Variants in GALNT17 observed in about 807,000 individuals in gnomAD.
GALNT17 encodes polypeptide N-acetylgalactosaminyltransferase 17, also known as UDP-GalNAc:polypeptide N-acetylgalactosaminyltransferase-like 3.
Under a neutral mutation model 63.7 loss-of-function variants are expected in GALNT17, and 29 were observed. The ratio of observed to expected loss-of-function variants is 0.46; its 90% CI spans 0.34 to 0.62. The LOEUF is 0.62. Ranked by LOEUF, GALNT17 falls within the 20% of genes least tolerant of loss-of-function variation. GALNT17 has a pLI of 0.01. For missense variants in GALNT17, 603 were observed against 799.6 expected, an observed-to-expected ratio of 0.75 and a Z score of 2.97; for synonymous variants, 305 against 318.3, an observed-to-expected ratio of 0.96 and a Z score of 0.45.
intron 1 of GALNT17, among the ~76,000 whole-genome samples, chr7:71,238,394 CTG>C (rs942235297): frequency 6.6e-6 from 1 of 152,192 alleles, no homozygotes; most frequent in Admixed American, 6.5e-5. Context: ...TGGTCTCACT[CTG>C]TCTCCCAGGC....
At chr7:71,187,282 CTTTCTT>C (rs1788868079) in intron 1 of GALNT17, among the ~76,000 whole-genome samples, 1 of 141,072 alleles carries the variant, frequency 7.1e-6, no homozygotes, top group Non-Finnish European at 1.5e-5. Context: ...GCTAATTTTT[CTTTCTT>C]TTTTTTTTTT....
At chr7:71,236,738 G>T (rs997958673) in intron 1 of GALNT17, among the ~76,000 whole-genome samples, 1 of 152,162 alleles carries the variant, frequency 6.6e-6, no homozygotes, top group Admixed American at 6.5e-5. Context: ...CTCGGCGGGG[G>T]CACCTGCCCT....
At position 71,316,625 on chromosome 7, in the gene GALNT17, G is replaced by A. The variant is rs557799935; in HGVS notation, c.239-18925G>A. Among the ~76,000 whole-genome samples the A allele has an allele frequency of 3.9e-5, 6 of 152,254 alleles. No homozygotes were observed. In the East Asian group the frequency reaches 1.2e-3, roughly 30 times the overall value. The stretch of plus-strand genomic sequence containing the variant: ...GCAGCTCCAGCTGACCTGCTGGAGG[G>A]AGGAAAGGCTGATGGTACCACCCAT... On this transcript the variant is annotated intron_variant, in intron 1 of 10. Coordinates refer to ENST00000333538, the MANE Select transcript of GALNT17 (RefSeq NM_022479.3).
At chr7:71,278,914 TTTC>T (rs533274811) in intron 1 of GALNT17, among the ~76,000 whole-genome samples, 281 of 151,170 alleles carry the variant, frequency 1.9e-3, no homozygotes, top group Non-Finnish European at 2.9e-3. Context: ...TTTTCCTCTT[TTTC>T]TTCTTCTTCT....
intron 1 of GALNT17, among the ~76,000 whole-genome samples, chr7:71,273,261 A>G (rs1314458064): frequency 6.6e-6 from 1 of 152,182 alleles, no homozygotes; most frequent in Non-Finnish European, 1.5e-5. Context: ...CTGAAATGTT[A>G]TTGTAGACCT....
intron 1 of GALNT17, among the ~76,000 whole-genome samples, chr7:71,327,288 A>C (rs1791721257): frequency 6.6e-6 from 1 of 152,200 alleles, no homozygotes; most frequent in African/African-American, 2.4e-5. Flanking sequence ...ACAGTTTCAC[A>C]TGGTTGGGGA....
chr7:71,381,808 C>A (rs534870434), intron 2 of GALNT17, among the ~76,000 whole-genome samples: 1 of 152,098 alleles, frequency 6.6e-6, no homozygotes, highest in African/African-American at 2.4e-5. Context: ...AAACCTGCGG[C>A]GCAAAGAGTG....
chr7:71,239,124 T>G (rs899189027), intron 1 of GALNT17, among the ~76,000 whole-genome samples: 1 of 152,168 alleles, frequency 6.6e-6, no homozygotes, highest in African/African-American at 2.4e-5. Context: ...CACCAAGCTA[T>G]GCTATGCCCA....
intron 1 of GALNT17, among the ~76,000 whole-genome samples, chr7:71,310,219 T>C (rs1375083766): frequency 6.6e-6 from 1 of 152,172 alleles, no homozygotes; most frequent in African/African-American, 2.4e-5. Context: ...AGAATACATA[T>C]ATCATCCATA....
At chr7:71,154,107 G>A (rs1788185078) in intron 1 of GALNT17, among the ~76,000 whole-genome samples, 1 of 152,096 alleles carries the variant, frequency 6.6e-6, no homozygotes, top group African/African-American at 2.4e-5. Context: ...ATCAAAAAGG[G>A]TGAGGGAGCC....
At chr7:71,516,380 T>G (rs1788445120) in intron 5 of GALNT17, among the ~76,000 whole-genome samples, 2 of 152,148 alleles carry the variant, frequency 1.3e-5, no homozygotes, top group South Asian at 4.1e-4. Context: ...TGAGTCACAC[T>G]TTTTCGGAGG....
intron 1 of GALNT17, among the ~76,000 whole-genome samples, chr7:71,270,558 AAAAG>A (rs1171160785): frequency 1.1e-4 from 17 of 150,758 alleles, no homozygotes; most frequent in Non-Finnish European, 1.9e-4. Context: ...AAAAAAAAAA[AAAAG>A]AAACGAATTT....
chr7:71,320,070 A>G (rs1378748431), intron 1 of GALNT17, among the ~76,000 whole-genome samples: 2 of 152,122 alleles, frequency 1.3e-5, no homozygotes, highest in South Asian at 4.1e-4. Context: ...GGGGAAGTAC[A>G]CTCAGCTCAG....
chr7:71,385,288 GGTCACCTGCCCAGCCCGGCA>G (rs1196241483), intron 2 of GALNT17, among the ~76,000 whole-genome samples: 1 of 152,070 alleles, frequency 6.6e-6, no homozygotes, highest in African/African-American at 2.4e-5. Context: ...CAGGCCCAGT[GGTCACCTGCCCAGCCCGGCA>G]GTCATCTGCC....
At chr7:71,151,576 G>A (rs1432182655) in intron 1 of GALNT17, among the ~76,000 whole-genome samples, 5 of 149,896 alleles carry the variant, frequency 3.3e-5, no homozygotes, top group African/African-American at 1.2e-4. Context: ...AGCCGAGATC[G>A]CGCCACTCAC....
chr7:71,657,444 G>A (rs1790844854), intron 6 of GALNT17, among the ~76,000 whole-genome samples: 1 of 152,222 alleles, frequency 6.6e-6, no homozygotes, highest in Admixed American at 6.5e-5. Flanking sequence ...AACCAGTCAT[G>A]TTGGCTTTGA....
At chr7:71,229,970 G>A (rs1789757596) in intron 1 of GALNT17, among the ~76,000 whole-genome samples, 1 of 152,210 alleles carries the variant, frequency 6.6e-6, no homozygotes. Flanking sequence ...GTGGATCTCA[G>A]GCATTGCCCA....
chr7:71,298,713 TGTG>T (rs1791130787), intron 1 of GALNT17, among the ~76,000 whole-genome samples: 1 of 2,624 alleles, frequency 3.8e-4, no homozygotes, highest in Non-Finnish European at 3.6e-3. Flanking sequence ...TCCAGTGGGG[TGTG>T]TGTGTGTGTG....
At chr7:71,681,312 G>A (rs527581023) in intron 9 of GALNT17, among the ~76,000 whole-genome samples, 1 of 152,318 alleles carries the variant, frequency 6.6e-6, no homozygotes, top group East Asian at 1.9e-4. Context: ...ACCTGGGGGT[G>A]GGAGAGGTGA....
Sources: allele counts gnomAD v4.1 joint callset (sites outside exome capture counted in the v4.1 genomes callset), GRCh38; gene constraint gnomAD v4.1.1; transcripts MANE v1.5; gene names NCBI Gene and HGNC (gene_info 2026-07-23, HGNC 2026-07-21).